SNAP25: variants seen among roughly 807,000 people sequenced by gnomAD.
SNAP25 encodes the protein synaptosomal-associated protein 25.
SNAP25 carries 3 observed loss-of-function variants against 28.7 expected under a neutral mutation model. The ratio of observed to expected loss-of-function variants is 0.10; its 90% CI spans 0.05 to 0.27. The LOEUF (loss-of-function observed/expected upper bound fraction) is 0.27, where lower values mean the gene tolerates loss of function less well. Among genes scored for constraint, SNAP25 ranks in the 10% least tolerant of loss-of-function variants. The probability of loss-of-function intolerance (pLI) is 1.00; values close to 1 mark genes in which losing one functional copy is unlikely to be tolerated. For synonymous variants in SNAP25, 61 were observed against 88.1 expected (o/e 0.69, Z 1.72); for missense variants, 117 against 278.7 (o/e 0.42, Z 4.13).
chr20:10,288,057 C>T (rs1258074632), intron 4 of SNAP25, among the ~76,000 whole-genome samples: 1 of 151,718 alleles, frequency 6.6e-6, no homozygotes, highest in Non-Finnish European at 1.5e-5. Context: ...ATACCTAATG[C>T]TAAATGATGA....
chr20:10,224,024 G>T (rs888791135), intron 1 of SNAP25, among the ~76,000 whole-genome samples: 1 of 152,092 alleles, frequency 6.6e-6, no homozygotes, highest in African/African-American at 2.4e-5. Flanking sequence ...TACCTATACT[G>T]GCTCACTGTA....
chr20:10,253,941 C>T (rs1475176576), intron 1 of SNAP25, among the ~76,000 whole-genome samples: 4 of 152,174 alleles, frequency 2.6e-5, no homozygotes, highest in Admixed American at 6.5e-5. Flanking sequence ...GGGTTCCCTA[C>T]GCAGGATGTG....
Position 10,293,992 on chromosome 20 carries a change from C to T in SNAP25, c.281+714C>T, listed in dbSNP as rs750003916. On this transcript the variant is annotated intron_variant, in intron 5 of 7. Coordinates refer to ENST00000254976, the MANE Select transcript of SNAP25 (RefSeq NM_130811.4). This position sits in a 1 kb window ranked among gnomAD's most constrained non-coding sequence, Gnocchi z 5.6. ...TTCAACTGTTCTCAAGGTTCTGCAACGCTTTTTTGGAATGTAGCAGAAATG... is the reference window on the plus strand; with the variant it reads ...TTCAACTGTTCTCAAGGTTCTGCAATGCTTTTTTGGAATGTAGCAGAAATG... Among the ~76,000 whole-genome samples the T allele has an allele frequency of 4.6e-5, 7 of 152,166 alleles. No homozygotes were observed. The highest frequency in any genetic ancestry group is 1.9e-4 in the East Asian group (1 of 5,202).
intron 1 of SNAP25, among the ~76,000 whole-genome samples, chr20:10,229,204 A>G (rs2062783007): frequency 1.3e-5 from 2 of 152,098 alleles, no homozygotes; most frequent in African/African-American, 4.8e-5. Context: ...TTAGTGAACC[A>G]TTACTGAAGC....
intron 7 of SNAP25, among the ~76,000 whole-genome samples, chr20:10,302,782 CT>C (rs111485537): frequency 0.015 from 2,144 of 142,860 alleles, 25 homozygotes; most frequent in Middle Eastern, 0.052. Context: ...AGATTCCAGA[CT>C]TTTTTTTTTT....
At chr20:10,299,484 C>A in intron 7 of SNAP25, 72 bp downstream of exon 7, 1 of 1,466,344 alleles carries the variant, frequency 6.8e-7, no homozygotes, top group Non-Finnish European at 9.2e-7. Flanking sequence ...GTGTGAAGGG[C>A]ATAACAAGAT....
intron 1 of SNAP25, among the ~76,000 whole-genome samples, chr20:10,252,228 T>C (rs540886715): frequency 6.6e-6 from 1 of 152,338 alleles, no homozygotes; most frequent in South Asian, 2.1e-4. Flanking sequence ...TTTACTTACT[T>C]CATTAGTGAG....
chr20:10,246,181 T>C (rs1316464471), intron 1 of SNAP25, among the ~76,000 whole-genome samples: 1 of 152,272 alleles, frequency 6.6e-6, no homozygotes, highest in African/African-American at 2.4e-5. Flanking sequence ...TGAGCCATTA[T>C]GTTTCAAAGA....
intron 6 of SNAP25, among the ~76,000 whole-genome samples, chr20:10,298,333 T>G (rs1234193656): frequency 1.3e-5 from 2 of 152,220 alleles, no homozygotes; most frequent in African/African-American, 4.8e-5. Context: ...CCTTTAGTTT[T>G]TTAATTTTCT....
intron 6 of SNAP25, among the ~76,000 whole-genome samples, chr20:10,298,067 G>A (rs12480983): frequency 6.6e-6 from 1 of 151,678 alleles, no homozygotes; most frequent in Non-Finnish European, 1.5e-5. Flanking sequence ...GTAGCCCAAG[G>A]GTTCTCAAGC....
intron 1 of SNAP25, among the ~76,000 whole-genome samples, chr20:10,254,752 A>T (rs546832883): frequency 2.2e-4 from 34 of 152,316 alleles, no homozygotes; most frequent in Non-Finnish European, 4.3e-4. Context: ...TCCTCCAAGG[A>T]AAAAACAGTT....
chr20:10,288,561 C>A (rs192414729), intron 4 of SNAP25, among the ~76,000 whole-genome samples: 1 of 152,206 alleles, frequency 6.6e-6, no homozygotes, highest in East Asian at 1.9e-4. Context: ...CTCCGAGAAA[C>A]AAAGCAGAAT....
chr20:10,274,968 G>A (rs374076964), intron 1 of SNAP25, among the ~76,000 whole-genome samples: 2 of 152,066 alleles, frequency 1.3e-5, no homozygotes, highest in South Asian at 4.1e-4. Flanking sequence ...TTTGATTGCA[G>A]TCATGGTTTC....
chr20:10,224,371 C>T (rs554944837), intron 1 of SNAP25, among the ~76,000 whole-genome samples: 5 of 145,902 alleles, frequency 3.4e-5, no homozygotes, highest in Admixed American at 2.1e-4. Flanking sequence ...CAGCTCTAGC[C>T]CTGAAACAAC....
intron 1 of SNAP25, among the ~76,000 whole-genome samples, chr20:10,246,588 G>A (rs363046): frequency 0.014 from 2,117 of 152,138 alleles, 55 homozygotes; most frequent in African/African-American, 0.047. Context: ...TGCACACACA[G>A]CCTCAGTGAA....
rs774185469 is a variant in SNAP25 at position 10,293,677 on chromosome 20, T to C, written c.281+399T>C. Among the ~76,000 whole-genome samples, 10 of 152,174 alleles carry C rather than the reference T, an allele frequency of 6.6e-5. No individual in the cohort carries two copies. Among genetic ancestry groups the C allele is most frequent in the Non-Finnish European group, 1.2e-4 (8 of 68,034 alleles). ...AGATGAGAAACACATATGCGAAGGT[T>C]TGATTTTTTCCAAAATAAAAGAGAC... On this transcript the variant is annotated intron_variant, in intron 5 of 7. Transcript: ENST00000254976. The surrounding 1 kb of genome is among the most constrained non-coding windows in gnomAD (Gnocchi z 5.6).
intron 1 of SNAP25, among the ~76,000 whole-genome samples, chr20:10,259,842 C>T (rs2122878721): frequency 6.6e-6 from 1 of 152,272 alleles, no homozygotes. Context: ...CAGCCAGAAC[C>T]CATTCTTATG....
intron 1 of SNAP25, among the ~76,000 whole-genome samples, chr20:10,271,603 T>G (rs1227391732): frequency 6.6e-6 from 1 of 152,242 alleles, no homozygotes; most frequent in Non-Finnish European, 1.5e-5. Context: ...CAGCCAGGCC[T>G]GGATAGGCTG....
At chr20:10,288,985 A>G (rs1308035441) in intron 4 of SNAP25, among the ~76,000 whole-genome samples, 1 of 152,130 alleles carries the variant, frequency 6.6e-6, no homozygotes, top group African/African-American at 2.4e-5. Context: ...TTTATGCTCT[A>G]CTAATTTTGT....
Sources: gnomAD v4.1 joint callset for allele counts (sites outside exome capture counted in the v4.1 genomes callset) on GRCh38, gnomAD v4.1.1 for gene constraint, Gnocchi (gnomAD v3.1) non-coding constraint, MANE v1.5 for transcripts, NCBI Gene and HGNC (gene_info 2026-07-23, HGNC 2026-07-21) for gene names.